Variants in BICC1 observed in about 807,000 individuals in gnomAD.
The protein encoded by BICC1 is protein bicaudal C homolog 1.
BICC1 carries 43 observed loss-of-function variants against 111.0 expected under a neutral mutation model. That is an observed-to-expected ratio of 0.39 (90% confidence interval 0.30 to 0.50). The LOEUF (loss-of-function observed/expected upper bound fraction) is 0.50. Among genes scored for constraint, BICC1 ranks in the 20% least tolerant of loss-of-function variants. The probability of loss-of-function intolerance (pLI) is 0.88; values close to 1 mark genes in which losing one functional copy is unlikely to be tolerated. For missense variants in BICC1, 1,091 were observed against 1,203.2 expected (o/e 0.91, Z 1.38); for synonymous variants, 467 against 434.4 (o/e 1.07, Z -0.93).
At chr10:58,802,218 T>C (rs1163558393) in intron 14 of BICC1, among the ~76,000 whole-genome samples, 1 of 152,200 alleles carries the variant, frequency 6.6e-6, no homozygotes, top group African/African-American at 2.4e-5. Context: ...AACTTGCAGA[T>C]GCTCTTAAGT....
intron 2 of BICC1, among the ~76,000 whole-genome samples, chr10:58,668,430 C>G (rs1190462296): frequency 1.3e-5 from 2 of 151,888 alleles, no homozygotes; most frequent in Non-Finnish European, 2.9e-5. Flanking sequence ...TGAATCTCAC[C>G]TTTAGGTTTG....
intron 2 of BICC1, among the ~76,000 whole-genome samples, chr10:58,623,451 A>G (rs557882400): frequency 1.1e-4 from 16 of 152,298 alleles, no homozygotes; most frequent in African/African-American, 3.6e-4. Context: ...GTTTTGCTGC[A>G]TGGGTTTGAA....
chr10:58,783,272 G>A (rs1475025089), intron 3 of BICC1, among the ~76,000 whole-genome samples: 1 of 152,170 alleles, frequency 6.6e-6, no homozygotes, highest in African/African-American at 2.4e-5. Context: ...GGAGGCCAGA[G>A]GCATTCCTGA....
intron 2 of BICC1, chr10:58,648,431 C>CA: frequency 1.2e-6 from 1 of 855,874 alleles, no homozygotes; most frequent in South Asian, 5.4e-5. Flanking sequence ...GAATCTAAGC[C>CA]AAAAAAGGCA....
intron 1 of BICC1, among the ~76,000 whole-genome samples, chr10:58,601,526 A>G (rs1845040229): frequency 6.6e-6 from 1 of 151,912 alleles, no homozygotes; most frequent in Non-Finnish European, 1.5e-5. Context: ...CTAAGATGAC[A>G]TGTTTGTGGC....
rs186202652 is a variant in BICC1 at position 58,593,178 on chromosome 10, G to A, written c.191-27677G>A. Among the ~76,000 whole-genome samples the A allele has an allele frequency of 2.0e-3, 306 of 152,182 alleles. 2 individuals are homozygous for A. The highest frequency in any genetic ancestry group is 8.8e-4 in the Non-Finnish European group (60 of 68,000). ...ACTGCAGCTCAGCAAGGCTGCTGTG[G>A]CCACACTGCCAGATTTCCTTTCTCT... On this transcript the variant is annotated intron_variant, in intron 1 of 20. Coordinates refer to ENST00000373886, the MANE Select transcript of BICC1 (RefSeq NM_001080512.3).
At chr10:58,586,072 G>T (rs1365852896) in intron 1 of BICC1, among the ~76,000 whole-genome samples, 1 of 152,168 alleles carries the variant, frequency 6.6e-6, no homozygotes, top group Non-Finnish European at 1.5e-5. Context: ...GAAAGTGATA[G>T]TTTATACATG....
At chr10:58,777,736 A>G (rs1488578964) in intron 3 of BICC1, among the ~76,000 whole-genome samples, 3 of 152,056 alleles carry the variant, frequency 2.0e-5, no homozygotes, top group Admixed American at 2.0e-4. Flanking sequence ...TTCATTTGGA[A>G]AAAAAAAGAA....
In BICC1 at chr10:58,807,109, G is replaced by A; in HGVS notation, c.2327G>A (p.Arg776Lys). The part of the protein sequence containing the change: ...SMPAETIKEL[R>K]RANHVSYKPT... The stretch of plus-strand genomic sequence containing the variant: ...CCAGCTGAAACTATCAAGGAGTTGA[G>A]AAGGGCCAATCATGTGTCCTATAAG... Residue 776 changes from arginine to lysine, a missense_variant, in exon 17 of 21, where the codon AGA (arginine) becomes AAA (lysine). Physicochemically the swap from Arg to Lys is conservative, Grantham distance 26. Transcript: ENST00000373886. 1 of 1,613,966 alleles carries A rather than the reference G, an allele frequency of 6.2e-7. No individual in the cohort carries two copies.
chr10:58,674,605 G>A (rs371441290), intron 2 of BICC1, among the ~76,000 whole-genome samples: 87 of 152,218 alleles, frequency 5.7e-4, no homozygotes, highest in Middle Eastern at 3.4e-3. Flanking sequence ...CCTGAGGGCC[G>A]CTTGAAGGAC....
chr10:58,728,648 C>T (rs368848582), intron 3 of BICC1, among the ~76,000 whole-genome samples: 12 of 151,954 alleles, frequency 7.9e-5, no homozygotes, highest in East Asian at 5.8e-4. Flanking sequence ...TTTACTTTGC[C>T]GCAATCCATC....
At chr10:58,679,041 T>G (rs1275428150) in intron 2 of BICC1, among the ~76,000 whole-genome samples, 3 of 152,198 alleles carry the variant, frequency 2.0e-5, no homozygotes, top group Admixed American at 2.0e-4. Context: ...GAGCAGTGTT[T>G]AGAGTGAAAT....
At chr10:58,513,667 C>T (rs1842160681) in intron 1 of BICC1, among the ~76,000 whole-genome samples, 1 of 152,244 alleles carries the variant, frequency 6.6e-6, no homozygotes, top group Admixed American at 6.5e-5. Flanking sequence ...GCTGTGCCAT[C>T]CGGACCACTC....
chr10:58,638,018 G>A (rs1245664847), intron 2 of BICC1, among the ~76,000 whole-genome samples: 2 of 152,066 alleles, frequency 1.3e-5, no homozygotes, highest in African/African-American at 4.8e-5. Flanking sequence ...AGGATGTAGT[G>A]GAATGAAGTG....
intron 8 of BICC1, among the ~76,000 whole-genome samples, chr10:58,792,547 C>T (rs1490760998): frequency 6.6e-6 from 1 of 152,128 alleles, no homozygotes; most frequent in Non-Finnish European, 1.5e-5. Flanking sequence ...AGCTCCACCT[C>T]CTGTGAGATT....
chr10:58,793,324 C>T (rs1306108255), intron 8 of BICC1, among the ~76,000 whole-genome samples, 160 bp from the exon 9 acceptor site: 1 of 152,174 alleles, frequency 6.6e-6, no homozygotes, highest in African/African-American at 2.4e-5. Context: ...AATGCCACAC[C>T]TGTCCTCTAA....
chr10:58,528,101 C>T (rs1564472524), intron 1 of BICC1, among the ~76,000 whole-genome samples: 1 of 151,878 alleles, frequency 6.6e-6, no homozygotes, highest in Non-Finnish European at 1.5e-5. Flanking sequence ...ATAAATGACC[C>T]ATGATGGATC....
At chr10:58,764,307 A>G (rs1192159995) in intron 3 of BICC1, among the ~76,000 whole-genome samples, 1 of 152,210 alleles carries the variant, frequency 6.6e-6, no homozygotes, top group Non-Finnish European at 1.5e-5. Context: ...TTACATACCT[A>G]GAGACCCTAG....
chr10:58,738,034 A>G (rs1016569008), intron 3 of BICC1, among the ~76,000 whole-genome samples: 7 of 152,112 alleles, frequency 4.6e-5, no homozygotes, highest in African/African-American at 1.7e-4. Context: ...CCCATTCTGT[A>G]GGTTGCCTGT....
Sources: gnomAD v4.1 joint callset for allele counts (sites outside exome capture counted in the v4.1 genomes callset) on GRCh38, gnomAD v4.1.1 for gene constraint, MANE v1.5 for transcripts, NCBI Gene and HGNC (gene_info 2026-07-23, HGNC 2026-07-21) for gene names.